Variants in ARHGDIA observed in about 807,000 individuals in gnomAD.
The protein encoded by ARHGDIA is Rho GDP dissociation inhibitor alpha, also known as rho GDP-dissociation inhibitor 1.
Under a neutral mutation model 25.0 loss-of-function variants are expected in ARHGDIA, and 9 were observed. The ratio of observed to expected loss-of-function variants is 0.36; its 90% confidence interval spans 0.22 to 0.63. The LOEUF is 0.63. ARHGDIA is among the 20% of genes least tolerant of loss of function. The pLI, the probability that ARHGDIA is intolerant of heterozygous loss-of-function variation, is 0.69. For synonymous variants in ARHGDIA, 166 were observed against 111.5 expected (o/e 1.49, Z -3.08); for missense variants, 239 against 264.3 (o/e 0.90, Z 0.66).
rs2039122825 is a variant in ARHGDIA, at chr17:81,868,440, CG to C, written c.*435del. The C allele has an allele frequency of 2.0e-6, 3 of 1,474,174 alleles. No homozygotes were observed. The highest frequency in any genetic ancestry group is 2.7e-6 in the Non-Finnish European group (3 of 1,115,554). 91.3% of individuals were successfully genotyped at this position (1,474,174 alleles called of 1,614,324 possible). On this transcript the variant is annotated 3_prime_UTR_variant, in exon 6 of 6. Coordinates refer to ENST00000269321, the MANE Select transcript of ARHGDIA (RefSeq NM_004309.6). ...GGAGCAGCGGGGCTGGAGGACGGCCCGGCCCCCACGAGGCCGTGCATCCCAC... is the reference window on the plus strand; with the variant it reads ...GGAGCAGCGGGGCTGGAGGACGGCCCGCCCCCACGAGGCCGTGCATCCCAC...
Position 81,869,523 on chromosome 17 carries a change from G to A in ARHGDIA, c.274+19C>T. 1 of 1,601,838 alleles carries A rather than the reference G, an allele frequency of 6.2e-7. No individual in the cohort carries two copies. The highest frequency in any genetic ancestry group is 8.5e-7 in the Non-Finnish European group (1 of 1,174,372). ...CCCACCAGGGGCCGCCCGGACCCCC[G>A]CGGCCGCAGGGCACTCACCCGTCAG... is the stretch of plus-strand genomic sequence containing the variant. On this transcript the variant is annotated intron_variant, in intron 3 of 5. Coordinates refer to ENST00000269321, the MANE Select transcript of ARHGDIA (RefSeq NM_004309.6).
Position 81,869,756 on chromosome 17 carries a change from C to G in ARHGDIA, c.175G>C (p.Val59Leu), listed in dbSNP as rs775023099. Residue 59 changes from valine (V) to leucine (L), a missense_variant, in exon 2 of 6, where the codon GTG (valine) becomes CTG (leucine). Val to Leu is a conservative substitution (Grantham distance 32). This residue lies in a region of ARHGDIA where 135 missense variants were observed against 119.8 expected (regional missense o/e 1.13). Coordinates refer to ENST00000269321, the MANE Select transcript of ARHGDIA (RefSeq NM_004309.6). ...RKYKEALLGR[V>L]AVSADPNVPN... ...CCAGACTCACCTGCGGAAACGGCCA[C>G]GCGGCCCAGCAGGGCCTCCTTGTAC... 6.2e-7 allele frequency: 1 copy of G among 1,613,192 alleles called. No individual in the cohort carries two copies. The highest frequency in any genetic ancestry group is 8.5e-7 in the Non-Finnish European group (1 of 1,179,762).
At chr17:81,870,996 C>T (rs1310199139) in intron 1 of ARHGDIA, 2 of 150,398 alleles carry the variant, frequency 1.3e-5, no homozygotes, top group Admixed American at 6.6e-5. Context: ...ATGAAAGAAG[C>T]TCCGGACCGC....
rs753761809 is a variant in ARHGDIA, at chr17:81,868,830, G to A, written c.*46C>T. ...GGGGCTGGGGGGGACACATCCGCCT[G>A]TCCGTCGTCCGTCCGTCAGTCTGCC... On this transcript the variant is annotated 3_prime_UTR_variant, in exon 6 of 6. Coordinates refer to ENST00000269321, the MANE Select transcript of ARHGDIA (RefSeq NM_004309.6). The A allele has an allele frequency of 6.8e-6, 11 of 1,611,820 alleles. No individual in the cohort carries two copies. The Admixed American group carries it at 1.0e-4, about 15-fold the overall frequency.
chr17:81,869,936 A>C lies in ARHGDIA; in HGVS notation c.-6T>G. 1 of 1,612,636 alleles carries C rather than the reference A, an allele frequency of 6.2e-7. No homozygotes were observed. Among genetic ancestry groups the C allele is most frequent in the Non-Finnish European group, 8.5e-7 (1 of 1,179,946 alleles). On this transcript the variant is annotated 5_prime_UTR_variant, in exon 2 of 6. Coordinates refer to ENST00000269321, the MANE Select transcript of ARHGDIA (RefSeq NM_004309.6). ...GTGGGCTCCTGCTCAGCCATGCTCA[A>C]GCTTAGCCTGGGTCGGGACACCTGT...
In ARHGDIA at chr17:81,868,662, A is replaced by T; in HGVS notation, c.*214T>A. The T allele has an allele frequency of 6.5e-7, 1 of 1,534,920 alleles. No homozygotes were observed. The highest frequency in any genetic ancestry group is 8.7e-7 in the Non-Finnish European group (1 of 1,146,732). On this transcript the variant is annotated 3_prime_UTR_variant, in exon 6 of 6. Transcript: ENST00000269321. ...CAGCACAGGCAGAAGCAGCAACGAG[A>T]CAGGAGACCGAGGAGGCTGGGCCTG...
chr17:81,869,417 GA>G lies in ARHGDIA; in HGVS notation c.275-12del. The stretch of plus-strand genomic sequence containing the variant: ...AGCTCTCCAGGTCGCCTGTTGGGGG[GA>G]CCTCCCCCTCAATGACTGCCCAGCA... On this transcript the variant is annotated splice_polypyrimidine_tract_variant and intron_variant, in intron 3 of 5. Transcript: ENST00000269321. 6.2e-7 allele frequency: 1 copy of G among 1,613,318 alleles called. No individual in the cohort carries two copies. The highest frequency in any genetic ancestry group is 8.5e-7 in the Non-Finnish European group (1 of 1,179,854).
chr17:81,868,629 C>T lies in ARHGDIA; in HGVS notation c.*247G>A. 6.5e-7 allele frequency: 1 copy of T among 1,535,450 alleles called. No individual in the cohort carries two copies. The highest frequency in any genetic ancestry group is 8.7e-7 in the Non-Finnish European group (1 of 1,146,766). On this transcript the variant is annotated 3_prime_UTR_variant, in exon 6 of 6. Transcript: ENST00000269321. Reference sequence around the variant, plus strand: ...CAGCAGAGGCCTGGCTGCGGCCTCTCTCCCCCACAGCACAGGCAGAAGCAG... The same window carrying T: ...CAGCAGAGGCCTGGCTGCGGCCTCTTTCCCCCACAGCACAGGCAGAAGCAG...
In ARHGDIA at chr17:81,868,179, C is replaced by A. The variant is rs1293035724; in HGVS notation, c.*697G>T. 5.2e-6 allele frequency: 3 copies of A among 579,556 alleles called. No homozygotes were observed. The highest frequency in any genetic ancestry group is 8.4e-6 in the Non-Finnish European group (3 of 357,808). 35.9% of individuals were successfully genotyped at this position (579,556 alleles called of 1,614,324 possible). A position where few individuals can be genotyped will look rare whatever the true frequency, so the allele number is the denominator to read the frequency against. On this transcript the variant is annotated 3_prime_UTR_variant, in exon 6 of 6. Coordinates refer to ENST00000269321, the MANE Select transcript of ARHGDIA (RefSeq NM_004309.6). ...GCTTTCCCCAAGCCGCCGGAGCCAT[C>A]TCCACAGCCCTGTCCAGGGAAGGGG...
chr17:81,868,841 G>A lies in ARHGDIA; in HGVS notation c.*35C>T, dbSNP rs369699594. ...GGACACATCCGCCTGTCCGTCGTCC[G>A]TCCGTCAGTCTGCCCTGCCCGCCTC... On this transcript the variant is annotated 3_prime_UTR_variant, in exon 6 of 6. Transcript: ENST00000269321. 3.5e-4 allele frequency: 571 copies of A among 1,612,778 alleles called. 1 individual carries two copies. Among genetic ancestry groups the A allele is most frequent in the Non-Finnish European group, 4.7e-4 (559 of 1,179,748 alleles).
rs1328919648 is a variant in ARHGDIA, at chr17:81,869,330, C to A, written c.351G>T (p.Arg117=). 1.2e-6 allele frequency: 2 copies of A among 1,614,098 alleles called. No homozygotes were observed. Among genetic ancestry groups the A allele is most frequent in the Non-Finnish European group, 1.7e-6 (2 of 1,179,988 alleles). ...GVEYRIKISF[R]VNREIVSGMK... is the part of the protein sequence containing the mutation. Reference sequence around the variant, plus strand: ...CTGGCCACAGCAGCCTGTAGCTTACCCGGAAAGAGATTTTTATCCGGTACT... The same window carrying A: ...CTGGCCACAGCAGCCTGTAGCTTACACGGAAAGAGATTTTTATCCGGTACT... The change falls in exon 4 of 6, where the codon CGG becomes CGT. Residue 117 remains arginine, a splice_region_variant and synonymous_variant. Transcript: ENST00000269321.
rs11546990 is a variant in ARHGDIA, at chr17:81,868,015, G to T, written c.*861C>A. On this transcript the variant is annotated 3_prime_UTR_variant, in exon 6 of 6. Transcript: ENST00000269321. ...GCGGGGCTCCTGGCTGGGCCCAGGTGGGGTGAGTGAGGCTGTCCATCGAGG... is the reference window on the plus strand; with the variant it reads ...GCGGGGCTCCTGGCTGGGCCCAGGTTGGGTGAGTGAGGCTGTCCATCGAGG... 6.9e-4 allele frequency: 150 copies of T among 217,844 alleles called. No individual in the cohort carries two copies. The Middle Eastern group carries it at 0.016, about 24-fold the overall frequency. 13.5% of individuals were successfully genotyped at this position (217,844 alleles called of 1,614,324 possible).
chr17:81,870,794 T>C (rs1323930246), intron 1 of ARHGDIA: 2 of 151,692 alleles, frequency 1.3e-5, no homozygotes, highest in Admixed American at 6.5e-5. Context: ...GGCGCCGGGA[T>C]CCTAGGGCGC....
At chr17:81,871,230 GCGCCGCCGGTCCCCGCCCCGACC>G (rs1436628531) in intron 1 of ARHGDIA, 45 bp downstream of exon 1, 4 of 145,724 alleles carry the variant, frequency 2.7e-5, no homozygotes, top group Non-Finnish European at 6.1e-5. Flanking sequence ...GCCCCCGCCG[GCGCCGCCGGTCCCCGCCCCGACC>G]CGCCGCCTCC....
chr17:81,870,982 G>A (rs1395650196), intron 1 of ARHGDIA: 2 of 150,556 alleles, frequency 1.3e-5, no homozygotes, highest in Admixed American at 1.3e-4. Flanking sequence ...GCGCCTCGGC[G>A]GCCATGAAAG....
chr17:81,870,252 T>C, intron 1 of ARHGDIA: 2 of 353,526 alleles, frequency 5.7e-6, no homozygotes, highest in Non-Finnish European at 1.1e-5. Context: ...GGGGCGGGGC[T>C]AGCAGGCCCC....
rs1273198442 is a variant in ARHGDIA, at chr17:81,868,884, T to C, written c.607A>G (p.Lys203Glu). The C allele has an allele frequency of 6.2e-7, 1 of 1,613,274 alleles. No individual in the cohort carries two copies. Among genetic ancestry groups the C allele is most frequent in the African/African-American group, 1.3e-5 (1 of 74,846 alleles). ...EWNLTIKKDW[K>E]D ...CCCGCCTCTGGCTGGGCTCAGTCCTTCCAGTCCTTCTTGATGGTGAGATTC... is the reference window on the plus strand; with the variant it reads ...CCCGCCTCTGGCTGGGCTCAGTCCTCCCAGTCCTTCTTGATGGTGAGATTC... The change falls in exon 6 of 6, where the codon AAG becomes GAG. Residue 203 changes from lysine (K) to glutamate (E), a missense_variant. Lys to Glu is a moderately conservative substitution (Grantham distance 56). Around this residue, in one of 3 missense-constraint regions of ARHGDIA, gnomAD observed 29 missense variants for 22.0 expected, o/e 1.32. Transcript: ENST00000269321.
chr17:81,869,331 C>T lies in ARHGDIA; in HGVS notation c.350G>A (p.Arg117Gln). The T allele has an allele frequency of 1.2e-6, 2 of 1,614,096 alleles. No homozygotes were observed. The highest frequency in any genetic ancestry group is 1.7e-6 in the Non-Finnish European group (2 of 1,179,980). The change falls in exon 4 of 6, where the codon CGG becomes CAG. Residue 117 changes from arginine (R) to glutamine (Q), a missense_variant and splice_region_variant. Transcript: ENST00000269321. The part of the protein sequence containing the change: ...GVEYRIKISF[R>Q]VNREIVSGMK... ...TGGCCACAGCAGCCTGTAGCTTACC[C>T]GGAAAGAGATTTTTATCCGGTACTC...
chr17:81,868,800 G>T lies in ARHGDIA; in HGVS notation c.*76C>A. 6.3e-7 allele frequency: 1 copy of T among 1,589,804 alleles called. No homozygotes were observed. The highest frequency in any genetic ancestry group is 8.6e-7 in the Non-Finnish European group (1 of 1,168,454). ...GCCTGTCAGCACTTTGGTATGGGGA[G>T]GGGAGGGGCTGGGGGGGACACATCC... On this transcript the variant is annotated 3_prime_UTR_variant, in exon 6 of 6. Coordinates refer to ENST00000269321, the MANE Select transcript of ARHGDIA (RefSeq NM_004309.6).
Sources: allele counts gnomAD v4.1 joint callset, GRCh38; gene constraint gnomAD v4.1.1; regional missense constraint gnomAD v4.1.1; transcripts MANE v1.5; gene names NCBI Gene and HGNC (gene_info 2026-07-23, HGNC 2026-07-21).